The following TRIM24 variants were observed in gnomAD, a reference collection of about 807,000 sequenced individuals.
TRIM24 encodes transcription intermediary factor 1-alpha.
Under a neutral mutation model 123.9 loss-of-function variants are expected in TRIM24, and 29 were observed. The observed-to-expected ratio is 0.23, with a 90% confidence interval of 0.17 to 0.32. The LOEUF is 0.32. Ranked by LOEUF, TRIM24 falls within the 10% of genes least tolerant of loss-of-function variation. The pLI, the probability that TRIM24 is intolerant of heterozygous loss-of-function variation, is 1.00. For missense variants in TRIM24, 932 were observed against 1,295.3 expected, an observed-to-expected ratio of 0.72 and a Z score of 4.31; for synonymous variants, 456 against 461.1, an observed-to-expected ratio of 0.99 and a Z score of 0.14.
intron 6 of TRIM24, among the ~76,000 whole-genome samples, chr7:138,535,504 G>T (rs549035917): frequency 6.6e-6 from 1 of 152,174 alleles, no homozygotes; most frequent in Admixed American, 6.5e-5. Flanking sequence ...TGAAATTCTG[G>T]GTTGAAAATT....
At chr7:138,564,619 A>T (rs1485210273) in intron 9 of TRIM24, among the ~76,000 whole-genome samples, 1 of 152,198 alleles carries the variant, frequency 6.6e-6, no homozygotes, top group African/African-American at 2.4e-5. Context: ...GTCAAGTTTG[A>T]ACTACATTTA....
At chr7:138,526,565 CTG>C (rs1796614984) in intron 5 of TRIM24, among the ~76,000 whole-genome samples, 1 of 151,978 alleles carries the variant, frequency 6.6e-6, no homozygotes, top group Admixed American at 6.6e-5. Flanking sequence ...GTGCCCACCA[CTG>C]TGCCCAGCTA....
chr7:138,508,496 T>G (rs1796196572), intron 2 of TRIM24, among the ~76,000 whole-genome samples: 1 of 152,170 alleles, frequency 6.6e-6, no homozygotes, highest in South Asian at 2.1e-4. Context: ...TCTTTATTTC[T>G]TAACTGGAAT....
chr7:138,508,700 C>CGCGTGTGTGCGTGT (rs1182276337), intron 2 of TRIM24, among the ~76,000 whole-genome samples: 7 of 35,508 alleles, frequency 2.0e-4, no homozygotes, highest in Admixed American at 1.2e-3. Flanking sequence ...TGTGCGCGCG[C>CGCGTGTGTGCGTGT]GTGTGTGCGT....
chr7:138,547,631 T>C (rs1329079179), intron 7 of TRIM24, among the ~76,000 whole-genome samples: 1 of 152,228 alleles, frequency 6.6e-6, no homozygotes, highest in Non-Finnish European at 1.5e-5. Context: ...TGCTGCCTGG[T>C]AAACACTTTG....
chr7:138,543,093 G>A (rs78736859), intron 7 of TRIM24, among the ~76,000 whole-genome samples: 16 of 152,034 alleles, frequency 1.1e-4, no homozygotes, highest in African/African-American at 1.7e-4. Flanking sequence ...TAAGCATTCC[G>A]TCAATCTCCT....
In TRIM24 at chr7:138,460,439, G is replaced by A; in HGVS notation, c.-110G>A. 1 of 1,142,746 alleles carries A rather than the reference G, an allele frequency of 8.8e-7. No homozygotes were observed. The highest frequency in any genetic ancestry group is 1.6e-5 in the African/African-American group (1 of 62,342). The allele number at this position is 1,142,746 out of a possible 1,614,324, so 70.8% of individuals were successfully genotyped here. On this transcript the variant is annotated 5_prime_UTR_variant, in exon 1 of 19. Coordinates refer to ENST00000343526, the MANE Select transcript of TRIM24 (RefSeq NM_015905.3). The stretch of plus-strand genomic sequence containing the variant: ...TTCCCTCCCTCGCTGGCGCTGCCGC[G>A]AGTCCACCGAGCGGCCTCTGAGGAG...
chr7:138,490,886 G>A (rs772198752), intron 1 of TRIM24: 9 of 440,070 alleles, frequency 2.0e-5, no homozygotes, highest in Non-Finnish European at 3.5e-5. Context: ...GGATTTGGCA[G>A]ACCTGTTGGT....
chr7:138,479,750 T>G (rs1020321311), intron 1 of TRIM24, among the ~76,000 whole-genome samples: 13 of 151,768 alleles, frequency 8.6e-5, no homozygotes, highest in Admixed American at 4.6e-4. Flanking sequence ...TCAGGTGATC[T>G]GCCTGCCTTG....
chr7:138,500,702 A>G (rs151140596), intron 1 of TRIM24, among the ~76,000 whole-genome samples: 2,032 of 151,934 alleles, frequency 0.013, 166 homozygotes, highest in Admixed American at 0.13. Context: ...AGTGAGACCC[A>G]GTCTGTACAT....
At chr7:138,531,324 C>T (rs1584722324) in intron 6 of TRIM24, among the ~76,000 whole-genome samples, 1 of 147,178 alleles carries the variant, frequency 6.8e-6, no homozygotes, top group African/African-American at 2.7e-5. Context: ...CCCATTAACT[C>T]GTTATTTACA....
rs1794932235 is a variant in TRIM24 at position 138,460,450 on chromosome 7, G to A, written c.-99G>A. The A allele has an allele frequency of 1.7e-6, 2 of 1,192,608 alleles. No individual in the cohort carries two copies. The highest frequency in any genetic ancestry group is 3.8e-5 in the South Asian group (1 of 26,152). 73.9% of individuals were successfully genotyped at this position (1,192,608 alleles called of 1,614,324 possible). A position where few individuals can be genotyped will look rare whatever the true frequency, so the allele number is the denominator to read the frequency against. On this transcript the variant is annotated 5_prime_UTR_variant, in exon 1 of 19. Coordinates refer to ENST00000343526, the MANE Select transcript of TRIM24 (RefSeq NM_015905.3). Reference sequence around the variant, plus strand: ...GCTGGCGCTGCCGCGAGTCCACCGAGCGGCCTCTGAGGAGCAGCCGCAGGA... The same window carrying A: ...GCTGGCGCTGCCGCGAGTCCACCGAACGGCCTCTGAGGAGCAGCCGCAGGA...
intron 7 of TRIM24, among the ~76,000 whole-genome samples, chr7:138,539,234 A>G (rs916483032): frequency 1.3e-5 from 2 of 152,118 alleles, no homozygotes; most frequent in African/African-American, 2.4e-5. Flanking sequence ...AACATCACAC[A>G]ATATGAGGTA....
intron 1 of TRIM24, among the ~76,000 whole-genome samples, chr7:138,496,275 T>G (rs1172926499): frequency 6.6e-6 from 1 of 152,210 alleles, no homozygotes; most frequent in Non-Finnish European, 1.5e-5. Context: ...CATTTTGTGG[T>G]TTTTACTATA....
At chr7:138,500,435 G>A (rs1014074247) in intron 1 of TRIM24, among the ~76,000 whole-genome samples, 1 of 151,710 alleles carries the variant, frequency 6.6e-6, no homozygotes, top group African/African-American at 2.4e-5. Flanking sequence ...TGGTGGCACA[G>A]GCCTGTAGTC....
chr7:138,534,656 A>C (rs1486746025), intron 6 of TRIM24, among the ~76,000 whole-genome samples: 1 of 152,140 alleles, frequency 6.6e-6, no homozygotes, highest in Admixed American at 6.5e-5. Flanking sequence ...TTTTGGAATA[A>C]GTGTGATGTG....
intron 2 of TRIM24, among the ~76,000 whole-genome samples, chr7:138,511,962 A>G (rs926723880): frequency 2.0e-5 from 3 of 152,190 alleles, no homozygotes; most frequent in African/African-American, 7.2e-5. Flanking sequence ...TACTTCCAAG[A>G]TACAATGTAG....
At chr7:138,476,592 CAAAAAAAA>C (rs60613094) in intron 1 of TRIM24, among the ~76,000 whole-genome samples, 1 of 107,876 alleles carries the variant, frequency 9.3e-6, no homozygotes, top group African/African-American at 3.5e-5. Context: ...GGCTCCGTCT[CAAAAAAAA>C]AAAAAAAAAG....
intron 18 of TRIM24, 78 bp downstream of exon 18, chr7:138,584,077 T>A: frequency 6.8e-7 from 1 of 1,468,050 alleles, no homozygotes; most frequent in Non-Finnish European, 9.1e-7. Context: ...CTTGTCAACA[T>A]AGGAGACCAA....
Sources: allele counts gnomAD v4.1 joint callset (sites outside exome capture counted in the v4.1 genomes callset), GRCh38; gene constraint gnomAD v4.1.1; transcripts MANE v1.5; gene names NCBI Gene and HGNC (gene_info 2026-07-23, HGNC 2026-07-21).